SORT1: variants seen among roughly 807,000 people sequenced by gnomAD.
SORT1 encodes the protein sortilin.
In SORT1, 39 loss-of-function variants were observed where a neutral mutation model predicts 101.7. The ratio of observed to expected loss-of-function variants is 0.38; its 90% confidence interval spans 0.30 to 0.50. The LOEUF is 0.50. Ranked by LOEUF, SORT1 falls within the 20% of genes least tolerant of loss-of-function variation. The pLI, the probability that SORT1 is intolerant of heterozygous loss-of-function variation, is 0.90. For synonymous variants in SORT1, 396 were observed against 393.7 expected, an observed-to-expected ratio of 1.01 and a Z score of -0.07; for missense variants, 878 against 1,040.4, an observed-to-expected ratio of 0.84 and a Z score of 2.15.
At chr1:109,351,313 C>T (rs567640748) in intron 5 of SORT1, among the ~76,000 whole-genome samples, 19 of 152,168 alleles carry the variant, frequency 1.2e-4, no homozygotes, top group Non-Finnish European at 2.4e-4. Context: ...TTTAACAAGG[C>T]GCATAGATAA....
intron 15 of SORT1, among the ~76,000 whole-genome samples, chr1:109,319,600 C>T (rs1647478152): frequency 6.6e-6 from 1 of 152,178 alleles, no homozygotes; most frequent in Non-Finnish European, 1.5e-5. Context: ...GGCGTGGTGG[C>T]TCATGCCTAT....
chr1:109,341,891 G>C (rs963483393), intron 9 of SORT1, 123 bp downstream of exon 9: 1 of 941,478 alleles, frequency 1.1e-6, no homozygotes, highest in African/African-American at 1.6e-5. Context: ...CTCTAGGACA[G>C]AAAAATCAGT....
chr1:109,391,571 G>C (rs773912837), intron 1 of SORT1, among the ~76,000 whole-genome samples: 3 of 152,192 alleles, frequency 2.0e-5, no homozygotes, highest in Non-Finnish European at 4.4e-5. Flanking sequence ...GAAGGATTTT[G>C]TTTTTACTGT....
At chr1:109,319,722 C>T (rs1647490153) in intron 15 of SORT1, among the ~76,000 whole-genome samples, 1 of 152,022 alleles carries the variant, frequency 6.6e-6, no homozygotes, top group South Asian at 2.1e-4. Flanking sequence ...AAAAAATTAG[C>T]CAGGTGCAGT....
At chr1:109,337,367 C>T (rs1450627763) in intron 10 of SORT1, among the ~76,000 whole-genome samples, 1 of 151,640 alleles carries the variant, frequency 6.6e-6, no homozygotes, top group South Asian at 2.1e-4. Flanking sequence ...CTGCCTCAAC[C>T]TCTGGAGTAG....
Position 109,314,049 on chromosome 1 carries a change from C to G in SORT1, c.2490G>C (p.Leu830Phe). Residue 830 changes from leucine (L) to phenylalanine (F), a missense_variant, in exon 20 of 20, where the codon TTG (leucine) becomes TTC (phenylalanine). Transcript: ENST00000256637. ...GYHDDSDEDL[L>F]E The stretch of plus-strand genomic sequence containing the variant: ...GTCCAGCTCCTCTGAAGAGCTATTC[C>G]AAGAGGTCCTGAAAAAGACATGCAC... 3 of 1,614,046 alleles carry G rather than the reference C, an allele frequency of 1.9e-6. No individual in the cohort carries two copies. The highest frequency in any genetic ancestry group is 2.5e-6 in the Non-Finnish European group (3 of 1,179,952).
chr1:109,397,465 C>A, intron 1 of SORT1, 122 bp downstream of exon 1: 3 of 669,170 alleles, frequency 4.5e-6, no homozygotes, highest in Non-Finnish European at 5.6e-6. Flanking sequence ...GGGCTGCGGC[C>A]CGGGGGACGC....
intron 6 of SORT1, among the ~76,000 whole-genome samples, chr1:109,348,808 T>C (rs955264219): frequency 1.3e-5 from 2 of 152,122 alleles, no homozygotes; most frequent in Non-Finnish European, 2.9e-5. Flanking sequence ...TGAGTTTTAA[T>C]GATTAAAATT....
At chr1:109,342,410 G>A (rs568100761) in intron 8 of SORT1, among the ~76,000 whole-genome samples, 17 of 152,094 alleles carry the variant, frequency 1.1e-4, no homozygotes, top group Non-Finnish European at 2.1e-4. Context: ...ATTCTGATGC[G>A]GCCCTGTAAG....
chr1:109,325,034 T>C lies in SORT1; in HGVS notation c.1699A>G (p.Ile567Val). The C allele has an allele frequency of 6.2e-7, 1 of 1,613,854 alleles. No homozygotes were observed. Among genetic ancestry groups the C allele is most frequent in the East Asian group, 2.2e-5 (1 of 44,874 alleles). The change falls in exon 14 of 20, where the codon ATC becomes GTC. Residue 567 changes from isoleucine to valine, a missense_variant. Physicochemically the swap from Ile to Val is conservative, Grantham distance 29. Transcript: ENST00000256637. ...TCTGAAGCTAGGCCAGTGAAATAGA[T>C]GGGGTCCCTGGTGAACGTGTAGGTT... ...WQTYTFTRDP[I>V]YFTGLASEPG...
chr1:109,373,803 G>GCTTAT (rs1337265351), intron 1 of SORT1, among the ~76,000 whole-genome samples: 1 of 152,172 alleles, frequency 6.6e-6, no homozygotes, highest in African/African-American at 2.4e-5. Flanking sequence ...TCATCAGGTG[G>GCTTAT]GTAGGTGCAG....
At chr1:109,342,342 A>G (rs1313727095) in intron 8 of SORT1, among the ~76,000 whole-genome samples, 184 bp from the exon 9 acceptor site, 1 of 152,234 alleles carries the variant, frequency 6.6e-6, no homozygotes, top group African/African-American at 2.4e-5. Flanking sequence ...GTTCTAGGTA[A>G]AGGAACAATC....
Position 109,341,052 on chromosome 1 carries a change from T to C in SORT1, c.1109-173A>G, listed in dbSNP as rs74113845. Among the ~76,000 whole-genome samples the C allele has an allele frequency of 3.1e-3, 473 of 152,364 alleles. 3 individuals are homozygous for C. The highest frequency in any genetic ancestry group is 0.011 in the African/African-American group (438 of 41,584). ...CAAGGTTTGATACTCAAGATCTTTA[T>C]GCCCATCTTTAATTCTAGTACCCAG... On this transcript the variant is annotated intron_variant, in intron 9 of 19. Transcript: ENST00000256637.
chr1:109,367,899 T>C (rs1335851640), intron 2 of SORT1, among the ~76,000 whole-genome samples: 1 of 152,172 alleles, frequency 6.6e-6, no homozygotes. Context: ...CTTCATGAAA[T>C]TCATTTTTTC....
chr1:109,393,089 G>T, intron 1 of SORT1: 1 of 985,386 alleles, frequency 1.0e-6, no homozygotes, highest in Non-Finnish European at 1.2e-6. Flanking sequence ...GGTCTTCAGC[G>T]GCAGCTCCCT....
chr1:109,381,464 C>T (rs1021030052), intron 1 of SORT1, among the ~76,000 whole-genome samples: 1 of 151,726 alleles, frequency 6.6e-6, no homozygotes, highest in Non-Finnish European at 1.5e-5. Flanking sequence ...TTAAAAAACC[C>T]AAAACTAAAA....
intron 1 of SORT1, among the ~76,000 whole-genome samples, chr1:109,383,750 A>G (rs915368376): frequency 1.3e-5 from 2 of 152,260 alleles, no homozygotes; most frequent in Non-Finnish European, 2.9e-5. Flanking sequence ...TAGAATCATA[A>G]AACATGAGCC....
intron 1 of SORT1, among the ~76,000 whole-genome samples, chr1:109,380,681 T>C (rs1447524148): frequency 1.3e-5 from 2 of 151,406 alleles, no homozygotes; most frequent in Non-Finnish European, 2.9e-5. Context: ...ATTTAATCTC[T>C]AAAACAAAAA....
chr1:109,373,045 A>C (rs1329311867), intron 1 of SORT1, among the ~76,000 whole-genome samples: 3 of 151,946 alleles, frequency 2.0e-5, no homozygotes, highest in Non-Finnish European at 4.4e-5. Context: ...ACAGGGCAAG[A>C]CTCCATCTCA....
Sources: allele counts gnomAD v4.1 joint callset (sites outside exome capture counted in the v4.1 genomes callset), GRCh38; gene constraint gnomAD v4.1.1; transcripts MANE v1.5; gene names NCBI Gene and HGNC (gene_info 2026-07-23, HGNC 2026-07-21).